TRPS1: variants seen among roughly 807,000 people sequenced by gnomAD.
The protein encoded by TRPS1 is transcriptional repressor GATA binding 1, also known as zinc finger transcription factor Trps1.
TRPS1 carries 6 observed loss-of-function variants against 101.2 expected under a neutral mutation model. That is an observed-to-expected ratio of 0.06 (90% CI 0.03 to 0.12). The LOEUF is 0.12. Ranked by LOEUF, TRPS1 falls within the 10% of genes least tolerant of loss-of-function variation. The pLI is 1.00. For missense variants in TRPS1, 1,363 were observed against 1,567.0 expected (o/e 0.87, Z 2.20); for synonymous variants, 578 against 589.8 (o/e 0.98, Z 0.29).
chr8:115,614,702 G>A (rs1236124559), intron 3 of TRPS1, among the ~76,000 whole-genome samples: 1 of 152,166 alleles, frequency 6.6e-6, no homozygotes, highest in Admixed American at 6.5e-5. Context: ...TTTCTAAACT[G>A]CAATTGTCCT....
At chr8:115,619,108 A>G in intron 3 of TRPS1, 24 bp downstream of exon 3, 1 of 1,612,614 alleles carries the variant, frequency 6.2e-7, no homozygotes, top group Non-Finnish European at 8.5e-7. Flanking sequence ...TTTTCTGTAC[A>G]AAGAGACAAT....
chr8:115,417,901 G>A (rs1005787934), intron 6 of TRPS1, among the ~76,000 whole-genome samples: 1 of 152,114 alleles, frequency 6.6e-6, no homozygotes, highest in Non-Finnish European at 1.5e-5. Context: ...AATTCCGAAG[G>A]TAAACTAGAA....
intron 1 of TRPS1, among the ~76,000 whole-genome samples, chr8:115,649,983 T>G (rs1022293793): frequency 6.6e-6 from 1 of 152,198 alleles, no homozygotes; most frequent in African/African-American, 2.4e-5. Context: ...CCTTCCTCTA[T>G]TTCTGCATTT....
Position 115,516,034 on chromosome 8 carries a change from T to C in TRPS1, c.2700+70967A>G, listed in dbSNP as rs552131140. On this transcript the variant is annotated intron_variant, in intron 5 of 6. Coordinates refer to ENST00000395715, the MANE Select transcript of TRPS1 (RefSeq NM_014112.5). ...TAATTAAACTGAGCATACTAGAGCA[T>C]TACATGAGCTACCACATATACCACT... Among the ~76,000 whole-genome samples, 3 of 151,564 alleles carry C rather than the reference T, an allele frequency of 2.0e-5. No homozygotes were observed. In the South Asian group the frequency reaches 6.2e-4, roughly 31 times the overall value.
chr8:115,542,263 A>C (rs755200127), intron 5 of TRPS1, among the ~76,000 whole-genome samples: 4 of 152,150 alleles, frequency 2.6e-5, no homozygotes, highest in Non-Finnish European at 5.9e-5. Context: ...TGCACGTTTT[A>C]TTTGGTACTG....
chr8:115,453,870 A>G (rs1204307441), intron 5 of TRPS1, among the ~76,000 whole-genome samples: 1 of 152,242 alleles, frequency 6.6e-6, no homozygotes, highest in Admixed American at 6.5e-5. Flanking sequence ...CCACGGTGAC[A>G]CACTTGAAGC....
At chr8:115,660,510 T>C (rs2130627682) in intron 1 of TRPS1, among the ~76,000 whole-genome samples, 1 of 151,968 alleles carries the variant, frequency 6.6e-6, no homozygotes, top group South Asian at 2.1e-4. Flanking sequence ...AATATAAACA[T>C]GTTTACTATG....
chr8:115,504,946 T>A (rs1039161605), intron 5 of TRPS1, among the ~76,000 whole-genome samples: 3 of 152,124 alleles, frequency 2.0e-5, no homozygotes, highest in Admixed American at 6.5e-5. Context: ...TGGAAAGGGC[T>A]TTGGCTGGCA....
intron 3 of TRPS1, among the ~76,000 whole-genome samples, chr8:115,617,048 A>T (rs911470450): frequency 5.9e-5 from 9 of 152,234 alleles, no homozygotes; most frequent in African/African-American, 2.2e-4. Context: ...CAAGATTAGC[A>T]TTCGATCTAC....
intron 5 of TRPS1, among the ~76,000 whole-genome samples, chr8:115,458,498 T>C (rs1226153651): frequency 6.6e-6 from 1 of 152,178 alleles, no homozygotes; most frequent in African/African-American, 2.4e-5. Flanking sequence ...GTCTCATTTG[T>C]AAAAAGACAG....
intron 5 of TRPS1, among the ~76,000 whole-genome samples, chr8:115,425,576 G>A (rs1173848951): frequency 1.3e-5 from 2 of 152,174 alleles, no homozygotes; most frequent in Non-Finnish European, 2.9e-5. Context: ...CACATAGGGA[G>A]CTACCCGATA....
At chr8:115,428,984 A>C (rs747946289) in intron 5 of TRPS1, among the ~76,000 whole-genome samples, 2 of 152,216 alleles carry the variant, frequency 1.3e-5, no homozygotes, top group Non-Finnish European at 2.9e-5. Flanking sequence ...AGATAATTTC[A>C]TGATAGAGGT....
intron 5 of TRPS1, among the ~76,000 whole-genome samples, chr8:115,528,260 A>G (rs1320187958): frequency 6.6e-6 from 1 of 152,104 alleles, no homozygotes; most frequent in Middle Eastern, 3.2e-3. Flanking sequence ...GTACATAACT[A>G]TAAGATTATT....
chr8:115,546,250 A>T (rs2130322696), intron 5 of TRPS1, among the ~76,000 whole-genome samples: 1 of 151,952 alleles, frequency 6.6e-6, no homozygotes, highest in African/African-American at 2.4e-5. Flanking sequence ...TATACACTAT[A>T]TACATATATA....
At position 115,492,280 on chromosome 8, in the gene TRPS1, C is replaced by T. The variant is rs1368514101; in HGVS notation, c.2701-73828G>A. On this transcript the variant is annotated intron_variant, in intron 5 of 6. Coordinates refer to ENST00000395715, the MANE Select transcript of TRPS1 (RefSeq NM_014112.5). ...AAGAATGTTCAGGAAATGTGTTTGG[C>T]GTGTGTCCAGGCAACAACTAGATAT... The T allele has an allele frequency of 1.1e-5, 5 of 455,722 alleles. No homozygotes were observed. In the East Asian group the frequency reaches 2.1e-4, roughly 19 times the overall value. The allele number at this position is 455,722 out of a possible 1,614,324, so 28.2% of individuals were successfully genotyped here. A position where few individuals can be genotyped will look rare whatever the true frequency, so the allele number is the denominator to read the frequency against.
At position 115,507,442 on chromosome 8, in the gene TRPS1, G is replaced by A. The variant is rs1043166785; in HGVS notation, c.2700+79559C>T. ...CAGTGTATGTTACTCCTCGGCTGAA[G>A]CCTGATTGATTCTGGTCATTATATG... On this transcript the variant is annotated intron_variant, in intron 5 of 6. Transcript: ENST00000395715. Among the ~76,000 whole-genome samples the A allele has an allele frequency of 5.3e-5, 8 of 152,002 alleles. No homozygotes were observed. The South Asian group carries it at 1.0e-3, about 20-fold the overall frequency.
At chr8:115,632,582 A>AT (rs1227880469) in intron 1 of TRPS1, among the ~76,000 whole-genome samples, 4 of 152,134 alleles carry the variant, frequency 2.6e-5, no homozygotes, top group Non-Finnish European at 1.5e-5. Flanking sequence ...AGTAGAATAG[A>AT]TTTTTTAAAG....
At chr8:115,489,812 G>T (rs1586325955) in intron 5 of TRPS1, among the ~76,000 whole-genome samples, 1 of 152,010 alleles carries the variant, frequency 6.6e-6, no homozygotes. Flanking sequence ...GATATTTAAA[G>T]AACAGGTAAA....
intron 4 of TRPS1, among the ~76,000 whole-genome samples, chr8:115,603,583 A>G (rs1817956832): frequency 6.6e-6 from 1 of 152,220 alleles, no homozygotes; most frequent in Non-Finnish European, 1.5e-5. Flanking sequence ...TAAACTCATC[A>G]GCATTATTAG....
Sources: allele counts gnomAD v4.1 joint callset (sites outside exome capture counted in the v4.1 genomes callset), GRCh38; gene constraint gnomAD v4.1.1; transcripts MANE v1.5; gene names NCBI Gene and HGNC (gene_info 2026-07-23, HGNC 2026-07-21).